Variants in CTNNA3 observed in about 807,000 individuals in gnomAD.
The protein encoded by CTNNA3 is catenin alpha 3.
CTNNA3 carries 76 observed loss-of-function variants against 95.7 expected under a neutral mutation model. That is an observed-to-expected ratio of 0.79 (90% confidence interval 0.66 to 0.96). The LOEUF (loss-of-function observed/expected upper bound fraction) is 0.96. Ranked by LOEUF, CTNNA3 falls within the 40% of genes least tolerant of loss-of-function variation. CTNNA3 has a pLI of 0.00. For missense variants in CTNNA3, 1,191 were observed against 1,089.8 expected, an observed-to-expected ratio of 1.09 and a Z score of -1.31; for synonymous variants, 431 against 374.4, an observed-to-expected ratio of 1.15 and a Z score of -1.74.
At chr10:66,294,091 G>A (rs1009607939) in intron 12 of CTNNA3, among the ~76,000 whole-genome samples, 5 of 152,134 alleles carry the variant, frequency 3.3e-5, no homozygotes, top group Non-Finnish European at 5.9e-5. Context: ...GATTGTTAAC[G>A]AGAATCTTTG....
At chr10:66,481,104 A>G (rs1461632161) in intron 11 of CTNNA3, among the ~76,000 whole-genome samples, 3 of 152,306 alleles carry the variant, frequency 2.0e-5, no homozygotes, top group African/African-American at 7.2e-5. Context: ...TGCAGTTCAC[A>G]AAGTTTATAT....
Position 66,668,550 on chromosome 10 carries a change from T to C in CTNNA3, c.1282-46766A>G, listed in dbSNP as rs557767202. 6.6e-5 allele frequency among the ~76,000 whole-genome samples: 10 copies of C among 151,970 alleles called. No homozygotes were observed. In the South Asian group the frequency reaches 2.1e-3, roughly 32 times the overall value. ...TATATTGGCCGGGTGCGGTGGTTCA[T>C]GTCTATAATCCCAGCACTTTGGGAG... On this transcript the variant is annotated intron_variant, in intron 9 of 17. Transcript: ENST00000433211.
intron 17 of CTNNA3, among the ~76,000 whole-genome samples, chr10:65,937,405 A>G (rs928034292): frequency 4.6e-5 from 7 of 152,168 alleles, no homozygotes; most frequent in East Asian, 3.8e-4. Flanking sequence ...TTTTCCACCA[A>G]TACAACTTAC....
At chr10:67,176,164 A>AG (rs1178770118) in intron 7 of CTNNA3, among the ~76,000 whole-genome samples, 3 of 152,196 alleles carry the variant, frequency 2.0e-5, no homozygotes, top group Non-Finnish European at 2.9e-5. Flanking sequence ...CCAAATGCAG[A>AG]GATTAAGATA....
intron 9 of CTNNA3, among the ~76,000 whole-genome samples, chr10:66,758,423 T>G (rs1839462776): frequency 1.3e-5 from 2 of 152,110 alleles, no homozygotes; most frequent in Admixed American, 1.3e-4. Flanking sequence ...TGTGTTTAAT[T>G]GAGTGGAATA....
chr10:66,320,301 C>T (rs2092163397), intron 12 of CTNNA3, among the ~76,000 whole-genome samples: 1 of 152,064 alleles, frequency 6.6e-6, no homozygotes, highest in Non-Finnish European at 1.5e-5. Context: ...CACATTTATG[C>T]ACTTCTTTTT....
chr10:66,428,170 T>C (rs922828819), intron 11 of CTNNA3, among the ~76,000 whole-genome samples: 1 of 152,050 alleles, frequency 6.6e-6, no homozygotes, highest in African/African-American at 2.4e-5. Flanking sequence ...CATTACATAA[T>C]GGTAAAGGAA....
chr10:67,185,965 G>T (rs1862824151), intron 6 of CTNNA3, among the ~76,000 whole-genome samples: 1 of 149,946 alleles, frequency 6.7e-6, no homozygotes, highest in Admixed American at 6.7e-5. Flanking sequence ...GGCAGAAGTT[G>T]CAGTGAGCCG....
At chr10:65,970,289 G>A (rs1406716003) in intron 16 of CTNNA3, among the ~76,000 whole-genome samples, 1 of 152,042 alleles carries the variant, frequency 6.6e-6, no homozygotes, top group Non-Finnish European at 1.5e-5. Flanking sequence ...TCTAAACATG[G>A]GGAAAATATA....
intron 11 of CTNNA3, among the ~76,000 whole-genome samples, chr10:66,517,999 C>A (rs1442604279): frequency 1.3e-5 from 2 of 152,148 alleles, no homozygotes; most frequent in African/African-American, 2.4e-5. Context: ...AAATATCCCT[C>A]TCCACATAGC....
At chr10:66,438,827 C>T (rs1009608331) in intron 11 of CTNNA3, among the ~76,000 whole-genome samples, 2 of 152,128 alleles carry the variant, frequency 1.3e-5, no homozygotes, top group African/African-American at 4.8e-5. Context: ...GGAGTGTAGG[C>T]ACCCAAAGGA....
At chr10:66,087,757 T>C (rs2081045611) in intron 14 of CTNNA3, among the ~76,000 whole-genome samples, 1 of 152,156 alleles carries the variant, frequency 6.6e-6, no homozygotes, top group Admixed American at 6.6e-5. Context: ...CTAAAATCTA[T>C]TCTGCAATTC....
At position 67,086,366 on chromosome 10, in the gene CTNNA3, T is replaced by C. The variant is rs568000773; in HGVS notation, c.1047+93951A>G. Among the ~76,000 whole-genome samples the C allele has an allele frequency of 3.3e-4, 50 of 152,070 alleles. 1 individual carries two copies. The South Asian group carries it at 0.01, about 31-fold the overall frequency. ...TGGGACAGAATATCACTTCATTTAG[T>C]TGGGAGATAATCTCAACCAAAGTCT... On this transcript the variant is annotated intron_variant, in intron 7 of 17. Coordinates refer to ENST00000433211, the MANE Select transcript of CTNNA3 (RefSeq NM_013266.4).
At chr10:67,399,251 T>C (rs1190384892) in intron 5 of CTNNA3, among the ~76,000 whole-genome samples, 1 of 152,164 alleles carries the variant, frequency 6.6e-6, no homozygotes, top group African/African-American at 2.4e-5. Context: ...CAAATCCTTG[T>C]TGTTCAAGGG....
intron 13 of CTNNA3, among the ~76,000 whole-genome samples, chr10:66,160,576 A>G (rs1458743101): frequency 6.6e-6 from 1 of 152,056 alleles, no homozygotes; most frequent in Non-Finnish European, 1.5e-5. Context: ...TCTTAAATTT[A>G]TTGAGGCTCA....
intron 11 of CTNNA3, among the ~76,000 whole-genome samples, chr10:66,462,330 T>A (rs1039296971): frequency 6.6e-6 from 1 of 152,124 alleles, no homozygotes; most frequent in South Asian, 2.1e-4. Flanking sequence ...AGATTTAGTT[T>A]GCTTTTTCTT....
rs2076989248 is a variant in CTNNA3 at position 65,915,064 on chromosome 10, T to C, written c.*5266A>G. On this transcript the variant is annotated 3_prime_UTR_variant, in exon 18 of 18. Transcript: ENST00000433211. ...GCTGGCACATGAGGGCAAGGATCAC[T>C]ATTTGTTTTGTTATATGGTGTATCC... The C allele has an allele frequency of 6.6e-6, 1 of 152,140 alleles. No homozygotes were observed. The highest frequency in any genetic ancestry group is 1.5e-5 in the Non-Finnish European group (1 of 68,028). 9.4% of individuals were successfully genotyped at this position (152,140 alleles called of 1,614,324 possible).
intron 5 of CTNNA3, among the ~76,000 whole-genome samples, chr10:67,510,709 A>T (rs1177795271): frequency 6.6e-6 from 1 of 152,180 alleles, no homozygotes; most frequent in African/African-American, 2.4e-5. Context: ...AATGTAAAGT[A>T]GTTTTTTCCA....
chr10:67,371,077 T>G (rs1311203418), intron 5 of CTNNA3, among the ~76,000 whole-genome samples: 1 of 151,402 alleles, frequency 6.6e-6, no homozygotes, highest in African/African-American at 2.4e-5. Flanking sequence ...CGTTTTAGCC[T>G]GGATGGTCTC....
Sources: allele counts gnomAD v4.1 joint callset (sites outside exome capture counted in the v4.1 genomes callset), GRCh38; gene constraint gnomAD v4.1.1; transcripts MANE v1.5; gene names NCBI Gene and HGNC (gene_info 2026-07-23, HGNC 2026-07-21).